The following IL20RB variants were observed in gnomAD, a reference collection of about 807,000 sequenced individuals.
IL20RB encodes interleukin-20 receptor subunit beta.
In IL20RB, 21 loss-of-function variants were observed where a neutral mutation model predicts 33.3. That is an observed-to-expected ratio of 0.63 (90% CI 0.45 to 0.91). The LOEUF is 0.91. IL20RB is among the 40% of genes least tolerant of loss of function. The pLI, the probability that IL20RB is intolerant of heterozygous loss-of-function variation, is 0.00. For missense variants in IL20RB, 345 were observed against 384.8 expected (o/e 0.90, Z 0.86); for synonymous variants, 147 against 146.8 (o/e 1.00, Z -0.01).
intron 1 of IL20RB, among the ~76,000 whole-genome samples, chr3:136,961,449 T>A (rs1941214454): frequency 6.6e-6 from 1 of 151,868 alleles, no homozygotes; most frequent in South Asian, 2.1e-4. Flanking sequence ...GATTCTGAGT[T>A]AATCTAGGGT....
At position 136,989,445 on chromosome 3, in the gene IL20RB, C is replaced by T. The variant is rs1157633816; in HGVS notation, c.411C>T (p.Ile137=). Reference sequence around the variant, plus strand: ...CTCCTGTTGTCTTGCCAACAGCCATCCTTACCCGACCTGGGATGGAGATCA... The same window carrying T: ...CTCCTGTTGTCTTGCCAACAGCCATTCTTACCCGACCTGGGATGGAGATCA... ...LKHPFNRNST[I]LTRPGMEITK... Residue 137 remains isoleucine, a synonymous_variant, in exon 4 of 7, where the codon ATC becomes ATT. Transcript: ENST00000329582. 9.3e-6 allele frequency: 15 copies of T among 1,613,772 alleles called. No homozygotes were observed. The highest frequency in any genetic ancestry group is 1.3e-5 in the Non-Finnish European group (15 of 1,179,768).
chr3:136,990,901 A>T (rs1230373118), intron 4 of IL20RB, among the ~76,000 whole-genome samples: 1 of 152,204 alleles, frequency 6.6e-6, no homozygotes, highest in Admixed American at 6.5e-5. Flanking sequence ...AGTGTTGGGG[A>T]CAGGGCAGAG....
At chr3:136,966,086 G>T (rs1201884071) in intron 1 of IL20RB, among the ~76,000 whole-genome samples, 1 of 131,236 alleles carries the variant, frequency 7.6e-6, no homozygotes, top group Non-Finnish European at 1.6e-5. Context: ...TGTGCTGCTG[G>T]ATTCGGTTTG....
intron 6 of IL20RB, among the ~76,000 whole-genome samples, chr3:137,001,160 CTG>C (rs1466606807): frequency 1.3e-5 from 2 of 152,190 alleles, no homozygotes; most frequent in African/African-American, 4.8e-5. Flanking sequence ...CTGGAAGACT[CTG>C]TGACAGTATG....
Position 137,006,748 on chromosome 3 carries a change from C to T in IL20RB, c.826-3365C>T, listed in dbSNP as rs544666578. Among the ~76,000 whole-genome samples the T allele has an allele frequency of 4.6e-5, 7 of 152,154 alleles. No homozygotes were observed. In the East Asian group the frequency reaches 5.8e-4, roughly 13 times the overall value. On this transcript the variant is annotated intron_variant, in intron 6 of 6. Transcript: ENST00000329582. ...TTAGCTTGGAGAATTTTGTTATTACCGACCTTCTGAAGCCTACTTCTGTCA... is the reference window on the plus strand; with the variant it reads ...TTAGCTTGGAGAATTTTGTTATTACTGACCTTCTGAAGCCTACTTCTGTCA...
chr3:136,958,107 C>G lies in IL20RB; in HGVS notation c.-7C>G, dbSNP rs1372175601. Reference sequence around the variant, plus strand: ...AACAATGTTCTAGGTCAAACTGAGTCTACCAAATGCAGACTTTCACAATGG... The same window carrying G: ...AACAATGTTCTAGGTCAAACTGAGTGTACCAAATGCAGACTTTCACAATGG... On this transcript the variant is annotated 5_prime_UTR_variant, in exon 1 of 7. Transcript: ENST00000329582. The G allele has an allele frequency of 6.4e-7, 1 of 1,564,882 alleles. No individual in the cohort carries two copies. Among genetic ancestry groups the G allele is most frequent in the Admixed American group, 1.7e-5 (1 of 59,610 alleles).
intron 6 of IL20RB, among the ~76,000 whole-genome samples, chr3:137,009,877 G>A (rs539809831): frequency 6.6e-6 from 1 of 152,052 alleles, no homozygotes. Context: ...GTGGGGCAGG[G>A]TCTTAGAATG....
intron 1 of IL20RB, among the ~76,000 whole-genome samples, chr3:136,963,111 A>G (rs1320773646): frequency 2.0e-5 from 3 of 152,226 alleles, no homozygotes; most frequent in African/African-American, 7.2e-5. Flanking sequence ...CTGGGCTAAC[A>G]TCAAGGTATG....
At chr3:137,006,821 G>A (rs1942359281) in intron 6 of IL20RB, among the ~76,000 whole-genome samples, 1 of 152,206 alleles carries the variant, frequency 6.6e-6, no homozygotes, top group African/African-American at 2.4e-5. Context: ...TGCTGGCGAG[G>A]AGCTGTGATC....
chr3:136,973,994 CT>C (rs902024608), intron 1 of IL20RB, among the ~76,000 whole-genome samples: 4 of 151,194 alleles, frequency 2.6e-5, no homozygotes, highest in African/African-American at 7.3e-5. Context: ...ATAGTCGGAA[CT>C]TTTTTTTTAT....
intron 1 of IL20RB, among the ~76,000 whole-genome samples, chr3:136,964,247 T>C (rs1941313631): frequency 2.1e-5 from 1 of 48,576 alleles, no homozygotes; most frequent in Non-Finnish European, 3.7e-5. Flanking sequence ...TTTCTAGTTC[T>C]AGATCCCTGA....
chr3:136,990,832 AC>A (rs35750311), intron 4 of IL20RB, among the ~76,000 whole-genome samples: 68,056 of 151,928 alleles, frequency 0.45, 15,654 homozygotes, highest in East Asian at 0.7. Context: ...TTCGGTATTT[AC>A]CCCTGCTAGG....
chr3:137,001,057 C>T (rs1477835588), intron 6 of IL20RB, among the ~76,000 whole-genome samples: 2 of 152,178 alleles, frequency 1.3e-5, no homozygotes, highest in Non-Finnish European at 2.9e-5. Flanking sequence ...GAGTCCTCAA[C>T]AGCTAAGATC....
intron 6 of IL20RB, among the ~76,000 whole-genome samples, chr3:136,998,559 GA>G: frequency 6.7e-6 from 1 of 148,908 alleles, no homozygotes; most frequent in African/African-American, 2.5e-5. Flanking sequence ...AATTCTCTTT[GA>G]TTTTTTTTAT....
rs929037120 is a variant in IL20RB, at chr3:136,982,088, A to G, written c.216-72A>G. The stretch of plus-strand genomic sequence containing the variant: ...CTGTACAAAGTAGGTGAACGAAGTC[A>G]GTTACTTGCAACCATAACTGAGCCT... On this transcript the variant is annotated intron_variant, in intron 2 of 6. Transcript: ENST00000329582. 7.9e-6 allele frequency: 9 copies of G among 1,145,964 alleles called. No homozygotes were observed. In the African/African-American group the frequency reaches 1.1e-4, roughly 14 times the overall value. 71.0% of individuals were successfully genotyped at this position (1,145,964 alleles called of 1,614,324 possible). A position where few individuals can be genotyped will look rare whatever the true frequency, so the allele number is the denominator to read the frequency against.
At chr3:136,982,453 G>A (rs361239) in intron 3 of IL20RB, 103 bp downstream of exon 3, 3 of 846,386 alleles carry the variant, frequency 3.5e-6, no homozygotes, top group Non-Finnish European at 5.4e-6. Context: ...GAATAGTCCT[G>A]CAAAGCCAGA....
At chr3:136,998,942 TG>T (rs1341147915) in intron 6 of IL20RB, among the ~76,000 whole-genome samples, 1 of 152,234 alleles carries the variant, frequency 6.6e-6, no homozygotes, top group Non-Finnish European at 1.5e-5. Context: ...TTTCTCTTGC[TG>T]GTTTTAAATT....
chr3:137,007,875 C>G (rs1041865298), intron 6 of IL20RB, among the ~76,000 whole-genome samples: 1 of 152,194 alleles, frequency 6.6e-6, no homozygotes, highest in Non-Finnish European at 1.5e-5. Flanking sequence ...GCATGGCTCA[C>G]ACTGGGGGCT....
intron 3 of IL20RB, among the ~76,000 whole-genome samples, chr3:136,984,695 C>T (rs898522673): frequency 6.6e-6 from 1 of 151,786 alleles, no homozygotes; most frequent in African/African-American, 2.4e-5. Flanking sequence ...GAATGGGATA[C>T]CAAAAGGAAT....
Sources: gnomAD v4.1 joint callset for allele counts (sites outside exome capture counted in the v4.1 genomes callset) on GRCh38, gnomAD v4.1.1 for gene constraint, MANE v1.5 for transcripts, NCBI Gene and HGNC (gene_info 2026-07-23, HGNC 2026-07-21) for gene names.